Variants in PSTPIP2 observed in about 807,000 individuals in gnomAD.
PSTPIP2 encodes proline-serine-threonine phosphatase interacting protein 2, also known as proline-serine-threonine phosphatase-interacting protein 2.
PSTPIP2 carries 33 observed loss-of-function variants against 63.3 expected under a neutral mutation model. That is an observed-to-expected ratio of 0.52 (90% CI 0.40 to 0.70). PSTPIP2 has a LOEUF of 0.70. Among genes scored for constraint, PSTPIP2 ranks in the 30% least tolerant of loss-of-function variants. PSTPIP2 has a pLI of 0.00. For synonymous variants in PSTPIP2, 125 were observed against 132.7 expected, an observed-to-expected ratio of 0.94 and a Z score of 0.40; for missense variants, 312 against 400.7, an observed-to-expected ratio of 0.78 and a Z score of 1.89.
intron 4 of PSTPIP2, among the ~76,000 whole-genome samples, chr18:46,011,706 T>C (rs486424): frequency 0.15 from 22,838 of 152,218 alleles, 2,180 homozygotes; most frequent in East Asian, 0.38. Flanking sequence ...AAAGGTCATA[T>C]GCCAAAATTT....
rs59638072 is a variant in PSTPIP2, at chr18:46,049,008, ATGTGTGTGTGTGTG to A, written c.34-8975_34-8962del. On this transcript the variant is annotated intron_variant, in intron 1 of 14. Transcript: ENST00000409746. ...CTTTCAAATGGTTCAGAAAAAAAGC[ATGTGTGTGTGTGTG>A]TGTGTGTGTGTGTGTGTGTGTGTGT... Among the ~76,000 whole-genome samples, 892 of 136,366 alleles carry A rather than the reference ATGTGTGTGTGTGTG, an allele frequency of 6.5e-3. 9 individuals are homozygous for A. Among genetic ancestry groups the A allele is most frequent in the African/African-American group, 0.017 (646 of 37,032 alleles). The allele number at this position is 136,366 out of a possible 152,430, so 89.5% of individuals were successfully genotyped here. A position where few individuals can be genotyped will look rare whatever the true frequency, so the allele number is the denominator to read the frequency against.
intron 4 of PSTPIP2, among the ~76,000 whole-genome samples, 183 bp from the exon 5 acceptor site, chr18:46,011,470 G>A (rs488431): frequency 0.15 from 22,840 of 152,126 alleles, 2,182 homozygotes; most frequent in East Asian, 0.38. Context: ...CTGGCCACCA[G>A]GATCAAAGCT....
chr18:46,042,845 A>C (rs1908240528), intron 1 of PSTPIP2, among the ~76,000 whole-genome samples: 1 of 152,114 alleles, frequency 6.6e-6, no homozygotes, highest in South Asian at 2.1e-4. Context: ...GTGTTCTCTG[A>C]GTAACATACA....
intron 1 of PSTPIP2, among the ~76,000 whole-genome samples, chr18:46,049,885 C>T (rs1394743873): frequency 6.7e-6 from 1 of 149,738 alleles, no homozygotes; most frequent in African/African-American, 2.5e-5. Context: ...TTTCAAAAAA[C>T]AAAACAAAAA....
chr18:46,016,002 G>C, intron 3 of PSTPIP2, 65 bp from the exon 4 acceptor site: 1 of 1,527,886 alleles, frequency 6.5e-7, no homozygotes, highest in South Asian at 1.2e-5. Context: ...TTATTATAAT[G>C]CCTTTGCATG....
intron 6 of PSTPIP2, among the ~76,000 whole-genome samples, chr18:46,003,986 G>A (rs555550915): frequency 2.0e-5 from 3 of 150,976 alleles, no homozygotes; most frequent in Admixed American, 6.6e-5. Context: ...GGCTGGTCTC[G>A]AACTCCTGAC....
At chr18:46,069,980 G>A (rs1909333624) in intron 1 of PSTPIP2, among the ~76,000 whole-genome samples, 1 of 152,198 alleles carries the variant, frequency 6.6e-6, no homozygotes. Context: ...GGTGCTCTCT[G>A]TGTGTCAGGC....
At chr18:46,045,241 G>A (rs1251123838) in intron 1 of PSTPIP2, among the ~76,000 whole-genome samples, 2 of 152,200 alleles carry the variant, frequency 1.3e-5, no homozygotes, top group African/African-American at 4.8e-5. Flanking sequence ...ATTCACAATA[G>A]CAAAGACTTG....
At chr18:46,026,712 C>T (rs1227020452) in intron 2 of PSTPIP2, among the ~76,000 whole-genome samples, 4 of 151,864 alleles carry the variant, frequency 2.6e-5, no homozygotes, top group Non-Finnish European at 5.9e-5. Context: ...CGCGCCTCTA[C>T]AAAATTAAAT....
intron 3 of PSTPIP2, among the ~76,000 whole-genome samples, chr18:46,022,929 G>A (rs1255363947): frequency 3.3e-5 from 5 of 152,128 alleles, no homozygotes; most frequent in Admixed American, 6.5e-5. Context: ...GGAACACTAC[G>A]AAGCCATAAA....
chr18:46,006,617 A>T (rs886515375), intron 5 of PSTPIP2, among the ~76,000 whole-genome samples: 8 of 151,088 alleles, frequency 5.3e-5, no homozygotes, highest in Non-Finnish European at 1.2e-4. Flanking sequence ...CTCATGATCC[A>T]CCCACCTCGG....
intron 6 of PSTPIP2, among the ~76,000 whole-genome samples, chr18:46,001,698 A>C (rs1382687612): frequency 6.6e-6 from 1 of 152,140 alleles, no homozygotes; most frequent in African/African-American, 2.4e-5. Flanking sequence ...CCCAGCCCTT[A>C]GCAACCACCA....
intron 3 of PSTPIP2, among the ~76,000 whole-genome samples, chr18:46,022,113 A>C (rs1345548389): frequency 6.6e-6 from 1 of 152,154 alleles, no homozygotes; most frequent in Admixed American, 6.5e-5. Flanking sequence ...AACATCAAAA[A>C]TATATAATTA....
chr18:46,053,262 T>C (rs1908643615), intron 1 of PSTPIP2, among the ~76,000 whole-genome samples: 1 of 152,240 alleles, frequency 6.6e-6, no homozygotes, highest in Non-Finnish European at 1.5e-5. Context: ...AAGTTTTAGA[T>C]TAAGCTTATT....
In PSTPIP2 at chr18:46,015,945, A is replaced by C. The variant is rs2051848990; in HGVS notation, c.213-8T>G. 1 of 1,611,962 alleles carries C rather than the reference A, an allele frequency of 6.2e-7. No homozygotes were observed. The highest frequency in any genetic ancestry group is 8.5e-7 in the Non-Finnish European group (1 of 1,178,634). On this transcript the variant is annotated splice_region_variant and splice_polypyrimidine_tract_variant and intron_variant, in intron 3 of 14. Coordinates refer to ENST00000409746, the MANE Select transcript of PSTPIP2 (RefSeq NM_024430.4). ...AGGGCCCGCTTCAGGGTGCTAAAAA[A>C]AACAAGCACATATATAATTTCAGTT... is the stretch of plus-strand genomic sequence containing the variant.
intron 12 of PSTPIP2, among the ~76,000 whole-genome samples, chr18:45,991,574 C>T (rs1254918349): frequency 6.6e-6 from 1 of 152,150 alleles, no homozygotes; most frequent in South Asian, 2.1e-4. Flanking sequence ...AACTCACAGG[C>T]CCTATAAAAA....
chr18:46,068,924 T>G (rs1467477489), intron 1 of PSTPIP2, among the ~76,000 whole-genome samples: 2 of 152,122 alleles, frequency 1.3e-5, no homozygotes, highest in Admixed American at 1.3e-4. Context: ...CAGCCTTGTG[T>G]TGACAGCAGG....
intron 1 of PSTPIP2, among the ~76,000 whole-genome samples, chr18:46,053,687 C>T (rs2144124434): frequency 6.6e-6 from 1 of 152,284 alleles, no homozygotes; most frequent in South Asian, 2.1e-4. Flanking sequence ...TTTATAGAAG[C>T]TGTAGTCATA....
chr18:46,040,741 G>GT (rs774356941), intron 1 of PSTPIP2, among the ~76,000 whole-genome samples: 4 of 152,228 alleles, frequency 2.6e-5, no homozygotes, highest in Non-Finnish European at 5.9e-5. Context: ...AATGGAAGAA[G>GT]TAAGAACACA....
Sources: allele counts gnomAD v4.1 joint callset (sites outside exome capture counted in the v4.1 genomes callset), GRCh38; gene constraint gnomAD v4.1.1; transcripts MANE v1.5; gene names NCBI Gene and HGNC (gene_info 2026-07-23, HGNC 2026-07-21).